The following LRRIQ1 variants were observed in gnomAD, a reference collection of about 807,000 sequenced individuals.
The protein encoded by LRRIQ1 is leucine-rich repeat- and IQ domain-containing protein 1.
LRRIQ1 carries 210 observed loss-of-function variants against 211.9 expected under a neutral mutation model. The observed-to-expected ratio is 0.99, with a 90% CI of 0.89 to 1.11. The LOEUF is 1.11. LRRIQ1 is among the 50% of genes most tolerant of loss of function. The pLI, the probability that LRRIQ1 is intolerant of heterozygous loss-of-function variation, is 0.00. For missense variants in LRRIQ1, 2,136 were observed against 1,939.5 expected, an observed-to-expected ratio of 1.10 and a Z score of -1.90; for synonymous variants, 699 against 650.1, an observed-to-expected ratio of 1.08 and a Z score of -1.14.
intron 16 of LRRIQ1, 119 bp downstream of exon 16, chr12:85,121,995 G>A: frequency 9.1e-6 from 7 of 771,456 alleles, no homozygotes; most frequent in Non-Finnish European, 1.3e-5. Flanking sequence ...GTGTGTTTTG[G>A]GGATATTCTA....
At chr12:85,183,278 C>T (rs889988148) in intron 24 of LRRIQ1, among the ~76,000 whole-genome samples, 1 of 152,044 alleles carries the variant, frequency 6.6e-6, no homozygotes, top group Non-Finnish European at 1.5e-5. Flanking sequence ...TTAAGCAGTA[C>T]TTTGGATTAA....
chr12:85,206,173 G>C (rs1442390234), intron 24 of LRRIQ1, among the ~76,000 whole-genome samples: 1 of 152,172 alleles, frequency 6.6e-6, no homozygotes, highest in African/African-American at 2.4e-5. Flanking sequence ...ACTTCCAGGT[G>C]GGCTTTGGCA....
At chr12:85,091,846 G>T (rs1885427801) in intron 11 of LRRIQ1, among the ~76,000 whole-genome samples, 1 of 152,072 alleles carries the variant, frequency 6.6e-6, no homozygotes, top group Admixed American at 6.6e-5. Flanking sequence ...TATCCCAGGG[G>T]TTCCCATCTT....
In LRRIQ1 at chr12:85,152,143, A is replaced by G. The variant is rs554514143; in HGVS notation, c.4330-137A>G. ...TTAAACAGATGAATATCATCTCACA[A>G]TAGTAAGTAGAAAATTTCCTGTAAA... On this transcript the variant is annotated intron_variant, in intron 19 of 26. Coordinates refer to ENST00000393217, the MANE Select transcript of LRRIQ1 (RefSeq NM_001079910.2). 3.7e-5 allele frequency: 24 copies of G among 640,232 alleles called. No individual in the cohort carries two copies. The South Asian group carries it at 5.3e-4, about 14-fold the overall frequency. The allele number at this position is 640,232 out of a possible 1,614,324, so 39.7% of individuals were successfully genotyped here.
chr12:85,062,335 G>A (rs560218991), intron 8 of LRRIQ1, among the ~76,000 whole-genome samples: 12 of 151,616 alleles, frequency 7.9e-5, no homozygotes, highest in Admixed American at 2.0e-4. Context: ...GTAGTTTTTC[G>A]ACTCTTGTCC....
intron 5 of LRRIQ1, 22 bp downstream of exon 5, chr12:85,046,159 T>A: frequency 7.3e-7 from 1 of 1,376,318 alleles, no homozygotes; most frequent in Non-Finnish European, 1.0e-6. Flanking sequence ...TGCTCAATGA[T>A]ATGTTTGTTG....
intron 25 of LRRIQ1, among the ~76,000 whole-genome samples, chr12:85,230,941 C>G (rs922370190): frequency 6.6e-6 from 1 of 151,522 alleles, no homozygotes; most frequent in East Asian, 1.9e-4. Flanking sequence ...CCCAGCTACT[C>G]GGAGGCTGAG....
At position 85,245,057 on chromosome 12, in the gene LRRIQ1, T is replaced by TA; in HGVS notation, c.*119dup. ...TGTGTATTTAAATTTTTTCTTTCTT[T>TA]AAATATCCTCTTTTGATATAAACAA... On this transcript the variant is annotated 3_prime_UTR_variant, in exon 27 of 27. Coordinates refer to ENST00000393217, the MANE Select transcript of LRRIQ1 (RefSeq NM_001079910.2). 7.2e-7 allele frequency: 1 copy of TA among 1,388,150 alleles called. No individual in the cohort carries two copies. The highest frequency in any genetic ancestry group is 9.5e-7 in the Non-Finnish European group (1 of 1,051,822). The allele number at this position is 1,388,150 out of a possible 1,614,324, so 86.0% of individuals were successfully genotyped here. A position where few individuals can be genotyped will look rare whatever the true frequency, so the allele number is the denominator to read the frequency against.
chr12:85,055,521 C>A, intron 7 of LRRIQ1, 26 bp from the exon 8 acceptor site: 1 of 1,419,794 alleles, frequency 7.0e-7, no homozygotes. Context: ...TTTATGCTGA[C>A]TACCATGTAT....
At chr12:85,249,278 A>G (rs2137293418), downstream of LRRIQ1, among the ~76,000 whole-genome samples, 1 of 151,982 alleles carries the variant, frequency 6.6e-6, no homozygotes, top group South Asian at 2.1e-4. Flanking sequence ...CAAGTAGAAT[A>G]AGCACATTTC....
chr12:85,138,028 T>G, intron 19 of LRRIQ1, 59 bp downstream of exon 19: 1 of 1,044,088 alleles, frequency 9.6e-7, no homozygotes, highest in East Asian at 2.5e-5. Context: ...TGTACTATTT[T>G]GAAGATAAAC....
chr12:85,214,459 T>C (rs1282357134), intron 24 of LRRIQ1, among the ~76,000 whole-genome samples: 1 of 152,092 alleles, frequency 6.6e-6, no homozygotes, highest in Non-Finnish European at 1.5e-5. Context: ...ATTATAAAAC[T>C]GCATCATATA....
intron 11 of LRRIQ1, among the ~76,000 whole-genome samples, chr12:85,091,876 C>T (rs1018635776): frequency 1.2e-4 from 18 of 152,222 alleles, no homozygotes; most frequent in African/African-American, 3.9e-4. Context: ...GGACCAGTAG[C>T]GGTCCATGGC....
chr12:85,234,662 G>C (rs935932587), intron 26 of LRRIQ1, among the ~76,000 whole-genome samples: 5 of 151,844 alleles, frequency 3.3e-5, no homozygotes, highest in African/African-American at 1.2e-4. Context: ...TTACACAATC[G>C]GTACAAGGCT....
intron 13 of LRRIQ1, among the ~76,000 whole-genome samples, chr12:85,100,568 G>T (rs568435263): frequency 3.4e-4 from 52 of 151,794 alleles, no homozygotes; most frequent in African/African-American, 9.4e-4. Context: ...TGGCATAAAA[G>T]AACTTAATTT....
chr12:85,081,073 T>A (rs1292053840), intron 11 of LRRIQ1, among the ~76,000 whole-genome samples: 5 of 152,124 alleles, frequency 3.3e-5, no homozygotes, highest in Admixed American at 3.3e-4. Flanking sequence ...TGTATTTGAA[T>A]GATTCTTACT....
intron 14 of LRRIQ1, 30 bp downstream of exon 14, chr12:85,104,107 T>A (rs1330309074): frequency 4.3e-6 from 5 of 1,167,774 alleles, no homozygotes; most frequent in Non-Finnish European, 5.7e-6. Context: ...TATATTTTAA[T>A]AATAGACTTT....
At chr12:85,118,853 A>G (rs1887772629) in intron 15 of LRRIQ1, among the ~76,000 whole-genome samples, 1 of 151,920 alleles carries the variant, frequency 6.6e-6, no homozygotes, top group Admixed American at 6.6e-5. Context: ...TCTTTTTTTA[A>G]TTAATAAAAT....
intron 1 of LRRIQ1, among the ~76,000 whole-genome samples, chr12:85,250,947 T>TATA (rs1565928991): frequency 6.8e-4 from 73 of 107,554 alleles, no homozygotes; most frequent in African/African-American, 2.9e-3. Flanking sequence ...TATAATATAT[T>TATA]TTATATATTA....
Sources: gnomAD v4.1 joint callset for allele counts (sites outside exome capture counted in the v4.1 genomes callset) on GRCh38, gnomAD v4.1.1 for gene constraint, MANE v1.5 for transcripts, NCBI Gene and HGNC (gene_info 2026-07-23, HGNC 2026-07-21) for gene names.